The following RSF1 variants were observed in gnomAD, a reference collection of about 807,000 sequenced individuals.
The protein encoded by RSF1 is HBV pX-associated protein 8.
RSF1 carries 13 observed loss-of-function variants against 145.2 expected under a neutral mutation model. That is an observed-to-expected ratio of 0.09 (90% CI 0.06 to 0.14). The LOEUF is 0.14. RSF1 is among the 10% of genes least tolerant of loss of function. The probability of loss-of-function intolerance (pLI) is 1.00; values close to 1 mark genes in which losing one functional copy is unlikely to be tolerated. For synonymous variants in RSF1, 577 were observed against 592.6 expected (o/e 0.97, Z 0.38); for missense variants, 1,517 against 1,718.2 (o/e 0.88, Z 2.07).
chr11:77,866,761 C>T, the RSF1 span: 1 of 152,004 alleles, frequency 6.6e-6, no homozygotes, highest in East Asian at 1.9e-4. Flanking sequence ...AATAAAACTG[C>T]ACATGTAAAT....
the RSF1 span, among the ~76,000 whole-genome samples, chr11:77,845,741 T>C: frequency 6.6e-6 from 1 of 152,222 alleles, no homozygotes; most frequent in Non-Finnish European, 1.5e-5. Flanking sequence ...AATTTCTGTT[T>C]GGTTATTTTT....
the RSF1 span, among the ~76,000 whole-genome samples, chr11:77,859,037 G>A: frequency 6.6e-6 from 1 of 152,204 alleles, no homozygotes; most frequent in African/African-American, 2.4e-5. Context: ...TCTGATGGGT[G>A]TTATCAATGC....
chr11:77,732,960 T>G (rs1961244012), intron 4 of RSF1, among the ~76,000 whole-genome samples: 1 of 152,234 alleles, frequency 6.6e-6, no homozygotes, highest in South Asian at 2.1e-4. Context: ...CCATATAGTT[T>G]CATAGGTCAT....
intron 1 of RSF1, among the ~76,000 whole-genome samples, chr11:77,805,155 C>A (rs905615026): frequency 1.2e-4 from 19 of 152,192 alleles, no homozygotes; most frequent in African/African-American, 4.6e-4. Flanking sequence ...ATTACAACAA[C>A]CTTTTTTTTG....
intron 3 of RSF1, among the ~76,000 whole-genome samples, chr11:77,746,553 C>A (rs1948004338): frequency 6.6e-6 from 1 of 151,970 alleles, no homozygotes; most frequent in Non-Finnish European, 1.5e-5. Flanking sequence ...CTAATTAGGG[C>A]CAACAGTAGG....
At chr11:77,669,972 A>C (rs1331618713) in intron 15 of RSF1, among the ~76,000 whole-genome samples, 2 of 152,138 alleles carry the variant, frequency 1.3e-5, no homozygotes, top group African/African-American at 2.4e-5. Flanking sequence ...CTATAAAATA[A>C]ATTTAAAAAT....
intron 1 of RSF1, among the ~76,000 whole-genome samples, chr11:77,811,772 T>C (rs1323925925): frequency 4.6e-5 from 7 of 152,214 alleles, no homozygotes; most frequent in Admixed American, 4.6e-4. Flanking sequence ...TAACTTGGTA[T>C]CAAAGAAAGT....
At chr11:77,823,766 T>C (rs1230147747), upstream of RSF1, among the ~76,000 whole-genome samples, 2 of 152,260 alleles carry the variant, frequency 1.3e-5, no homozygotes, top group East Asian at 1.9e-4. Context: ...AAAATAAAAT[T>C]GTATCTTTGT....
At chr11:77,800,153 C>T (rs1055199415) in intron 1 of RSF1, among the ~76,000 whole-genome samples, 2 of 152,086 alleles carry the variant, frequency 1.3e-5, no homozygotes, top group Non-Finnish European at 2.9e-5. Flanking sequence ...TGGCAAGACC[C>T]TATTCTCTAA....
chr11:77,817,969 C>T (rs1280360043), intron 1 of RSF1, among the ~76,000 whole-genome samples: 1 of 152,126 alleles, frequency 6.6e-6, no homozygotes, highest in African/African-American at 2.4e-5. Flanking sequence ...AAATCGTTTC[C>T]CTGCACAGTA....
At chr11:77,826,380 G>T in the RSF1 span, among the ~76,000 whole-genome samples, 1 of 151,866 alleles carries the variant, frequency 6.6e-6, no homozygotes, top group Non-Finnish European at 1.5e-5. Context: ...AAAGATGGGG[G>T]ACAGCCTGTA....
intron 1 of RSF1, among the ~76,000 whole-genome samples, chr11:77,800,767 T>C (rs1441025690): frequency 1.3e-5 from 2 of 152,062 alleles, no homozygotes; most frequent in Non-Finnish European, 2.9e-5. Context: ...CAGGCTGAGA[T>C]GGGAAGACAG....
chr11:77,672,926 G>A (rs1479211234), intron 14 of RSF1, among the ~76,000 whole-genome samples: 3 of 152,218 alleles, frequency 2.0e-5, no homozygotes, highest in Admixed American at 6.5e-5. Context: ...CAAGTGATCC[G>A]CCTGCCTCGG....
intron 6 of RSF1, among the ~76,000 whole-genome samples, chr11:77,700,342 T>A (rs1960384920): frequency 1.1e-5 from 1 of 91,496 alleles, no homozygotes; most frequent in African/African-American, 4.8e-5. Context: ...AGAGCAAGAC[T>A]GTCTCACAAA....
At chr11:77,840,942 A>G in the RSF1 span, 6 of 453,716 alleles carry the variant, frequency 1.3e-5, no homozygotes, top group African/African-American at 3.8e-5. Flanking sequence ...TGCTTAATCC[A>G]TGTTGTGCTC....
At chr11:77,721,486 G>C (rs927449413) in intron 5 of RSF1, among the ~76,000 whole-genome samples, 5 of 152,176 alleles carry the variant, frequency 3.3e-5, no homozygotes, top group Admixed American at 6.5e-5. Context: ...GGACTCTGGA[G>C]ACAGATTGCC....
chr11:77,725,550 T>C lies in RSF1; in HGVS notation c.728A>G (p.Lys243Arg). The C allele has an allele frequency of 6.4e-7, 1 of 1,552,762 alleles. No homozygotes were observed. The highest frequency in any genetic ancestry group is 8.7e-7 in the Non-Finnish European group (1 of 1,149,706). Residue 243 changes from lysine to arginine, a missense_variant, in exon 5 of 16, where the codon AAA becomes AGA. Lys to Arg is a conservative substitution (Grantham distance 26). Transcript: ENST00000308488. ...CAAAACACACAAAAAAAAACCTTGT[T>C]TAGGTGTTTCTTCCTCTTTTTTAGT... is the stretch of plus-strand genomic sequence containing the variant. The part of the protein sequence containing the change: ...EETKKEEETP[K>R]QEEQKESEKM...
At chr11:77,668,524 C>T (rs934168107) in intron 15 of RSF1, among the ~76,000 whole-genome samples, 1 of 152,186 alleles carries the variant, frequency 6.6e-6, no homozygotes, top group African/African-American at 2.4e-5. Context: ...TAATTGTCTT[C>T]TCTTCTTTGT....
chr11:77,838,886 G>A, the RSF1 span, among the ~76,000 whole-genome samples: 29 of 152,092 alleles, frequency 1.9e-4, no homozygotes, highest in Non-Finnish European at 5.9e-5. Flanking sequence ...AAAGTGCTGG[G>A]ATTACAGGCG....
Sources: allele counts gnomAD v4.1 joint callset (sites outside exome capture counted in the v4.1 genomes callset), GRCh38; gene constraint gnomAD v4.1.1; transcripts MANE v1.5; gene names NCBI Gene and HGNC (gene_info 2026-07-23, HGNC 2026-07-21).